JCAD: variants seen among roughly 807,000 people sequenced by gnomAD.
The protein encoded by JCAD is junctional cadherin 5-associated protein.
In JCAD, 40 loss-of-function variants were observed where a neutral mutation model predicts 98.0. The observed-to-expected ratio is 0.41, with a 90% CI of 0.32 to 0.53. JCAD has a LOEUF of 0.53. Ranked by LOEUF, JCAD falls within the 20% of genes least tolerant of loss-of-function variation. The probability of loss-of-function intolerance (pLI) is 0.31; values close to 1 mark genes in which losing one functional copy is unlikely to be tolerated. For missense variants in JCAD, 1,705 were observed against 1,738.1 expected (o/e 0.98, Z 0.34); for synonymous variants, 691 against 682.3 (o/e 1.01, Z -0.20).
At chr10:30,092,125 T>TATAAAA (rs1427852641) in intron 1 of JCAD, among the ~76,000 whole-genome samples, 1 of 104,930 alleles carries the variant, frequency 9.5e-6, no homozygotes, top group African/African-American at 4.5e-5. Flanking sequence ...TATATATATA[T>TATAAAA]AAAAAACATT....
intron 1 of JCAD, among the ~76,000 whole-genome samples, chr10:30,091,742 GGC>G (rs1352694027): frequency 2.6e-5 from 2 of 77,954 alleles, no homozygotes; most frequent in Admixed American, 1.7e-4. Flanking sequence ...TTTTTTTTTA[GGC>G]CAGGTGCGGT....
At chr10:30,020,326 C>CAA (rs59762991) in intron 3 of JCAD, among the ~76,000 whole-genome samples, 68 of 82,880 alleles carry the variant, frequency 8.2e-4, no homozygotes, top group South Asian at 2.9e-3. Context: ...GACTCGGTCT[C>CAA]AAAAAAAAAA....
intron 1 of JCAD, among the ~76,000 whole-genome samples, chr10:30,054,969 G>A (rs944069488): frequency 6.6e-6 from 1 of 152,180 alleles, no homozygotes; most frequent in African/African-American, 2.4e-5. Context: ...GCGCCCGGCC[G>A]AAAATGCATC....
At chr10:30,050,337 A>G (rs1423111476) in intron 1 of JCAD, among the ~76,000 whole-genome samples, 1 of 150,466 alleles carries the variant, frequency 6.6e-6, no homozygotes, top group Non-Finnish European at 1.5e-5. Context: ...AAAAAAAAAA[A>G]AAAAAGAAAG....
chr10:30,026,016 T>C (rs766126725), intron 3 of JCAD, 87 bp downstream of exon 3: 3 of 1,474,460 alleles, frequency 2.0e-6, no homozygotes, highest in Non-Finnish European at 2.8e-6. Context: ...AATATGCAGA[T>C]TTACATTATC....
At chr10:30,096,792 A>G (rs924946596) in intron 1 of JCAD, among the ~76,000 whole-genome samples, 9 of 152,114 alleles carry the variant, frequency 5.9e-5, no homozygotes, top group Non-Finnish European at 8.8e-5. Context: ...CTATTTGGAG[A>G]CAGTGTGGGA....
In JCAD at chr10:30,028,214, G is replaced by A. The variant is rs1170099199; in HGVS notation, c.1934C>T (p.Thr645Met). ...QALTGSMGGRTEFQKQDLGEP... is the reference protein window; with the variant it reads ...QALTGSMGGRMEFQKQDLGEP... The stretch of plus-strand genomic sequence containing the variant: ...CCCTAGATCTTGTTTTTGGAACTCC[G>A]TTCTCCCACCCATGCTTCCTGTGAG... Residue 645 changes from threonine to methionine, a missense_variant, in exon 3 of 4, where the codon ACG (threonine) becomes ATG (methionine). Coordinates refer to ENST00000375377, the MANE Select transcript of JCAD (RefSeq NM_020848.4). 2.5e-6 allele frequency: 4 copies of A among 1,614,130 alleles called. No individual in the cohort carries two copies. The highest frequency in any genetic ancestry group is 2.2e-5 in the South Asian group (2 of 91,074).
rs753785423 is a variant in JCAD at position 30,027,969 on chromosome 10, C to T, written c.2179G>A (p.Ala727Thr). Residue 727 changes from alanine (A) to threonine (T), a missense_variant, in exon 3 of 4, where the codon GCC becomes ACC. Ala to Thr is a moderately conservative substitution (Grantham distance 58). Transcript: ENST00000375377. The stretch of plus-strand genomic sequence containing the variant: ...GCTGTGTGCGTCTGAGCTTCGGAGG[C>T]AGCAGGGTCTGAACATTTTGGACTC... Reference protein sequence around the residue: ...ALSPKCSDPAASEAQTHTAFP... With the variant: ...ALSPKCSDPATSEAQTHTAFP... 4 of 1,614,240 alleles carry T rather than the reference C, an allele frequency of 2.5e-6. No individual in the cohort carries two copies. Among genetic ancestry groups the T allele is most frequent in the Non-Finnish European group, 3.4e-6 (4 of 1,180,052 alleles).
chr10:30,090,612 C>A (rs991495461), intron 1 of JCAD, among the ~76,000 whole-genome samples: 1 of 151,794 alleles, frequency 6.6e-6, no homozygotes, highest in African/African-American at 2.4e-5. Context: ...TGTGAACATT[C>A]GACTTCTTAT....
chr10:30,019,353 G>A (rs1836608663), intron 3 of JCAD, among the ~76,000 whole-genome samples: 1 of 101,178 alleles, frequency 9.9e-6, no homozygotes, highest in African/African-American at 4.6e-5. Flanking sequence ...GCGAAACTCT[G>A]TCTCAAAAAA....
At chr10:30,036,839 C>T (rs529597128) in intron 2 of JCAD, among the ~76,000 whole-genome samples, 32 of 152,258 alleles carry the variant, frequency 2.1e-4, no homozygotes, top group Non-Finnish European at 4.4e-4. Context: ...CTTTATCCAG[C>T]GATCCCTTCC....
At chr10:30,082,643 G>C (rs1399347334) in intron 1 of JCAD, among the ~76,000 whole-genome samples, 2 of 152,010 alleles carry the variant, frequency 1.3e-5, no homozygotes, top group African/African-American at 4.8e-5. Context: ...CCTGAGGTCA[G>C]CAGTTTGAGA....
In JCAD at chr10:30,026,341, T is replaced by C; in HGVS notation, c.3807A>G (p.Ser1269=). Residue 1269 remains serine, a synonymous_variant, in exon 3 of 4, where the codon TCA becomes TCG. Coordinates refer to ENST00000375377, the MANE Select transcript of JCAD (RefSeq NM_020848.4). ...TCCTGAAGCTCAGGACTCTCATCCG[T>C]GACACTGAGCTCACCTCTTTCATTC... ...LMRMKEVSSV[S]RMRVLSFRNA... 5.0e-6 allele frequency: 8 copies of C among 1,614,166 alleles called. No individual in the cohort carries two copies. The highest frequency in any genetic ancestry group is 6.8e-6 in the Non-Finnish European group (8 of 1,180,016).
chr10:30,079,554 T>A (rs1838043272), intron 1 of JCAD, among the ~76,000 whole-genome samples: 1 of 152,070 alleles, frequency 6.6e-6, no homozygotes, highest in African/African-American at 2.4e-5. Context: ...AGGCAGAGAA[T>A]CTTTGTAAAC....
At chr10:30,097,592 A>T (rs1301657292) in intron 1 of JCAD, among the ~76,000 whole-genome samples, 1 of 152,074 alleles carries the variant, frequency 6.6e-6, no homozygotes, top group African/African-American at 2.4e-5. Context: ...TACTAAAAAT[A>T]CAAAATTAGC....
intron 3 of JCAD, among the ~76,000 whole-genome samples, chr10:30,021,112 C>T (rs1836652927): frequency 6.8e-6 from 1 of 148,074 alleles, no homozygotes; most frequent in Admixed American, 6.7e-5. Flanking sequence ...AGAGACACCT[C>T]CACAGGACAC....
chr10:30,107,689 C>A (rs755518561), intron 1 of JCAD, among the ~76,000 whole-genome samples: 8 of 152,200 alleles, frequency 5.3e-5, no homozygotes, highest in Non-Finnish European at 1.0e-4. Flanking sequence ...GCCCTGAAGT[C>A]TTCCTTGCAT....
At chr10:30,072,295 TG>T (rs1421792408) in intron 1 of JCAD, among the ~76,000 whole-genome samples, 2 of 152,224 alleles carry the variant, frequency 1.3e-5, no homozygotes, top group Non-Finnish European at 2.9e-5. Flanking sequence ...TAACTCTCTC[TG>T]CTCCTCAGTA....
chr10:30,083,330 T>C (rs1838117598), intron 1 of JCAD, among the ~76,000 whole-genome samples: 1 of 152,224 alleles, frequency 6.6e-6, no homozygotes, highest in African/African-American at 2.4e-5. Flanking sequence ...CTTTATCCTT[T>C]CTACCACCTC....
Sources: allele counts gnomAD v4.1 joint callset (sites outside exome capture counted in the v4.1 genomes callset), GRCh38; gene constraint gnomAD v4.1.1; transcripts MANE v1.5; gene names NCBI Gene and HGNC (gene_info 2026-07-23, HGNC 2026-07-21).